OSBPL8: variants seen among roughly 807,000 people sequenced by gnomAD.
OSBPL8 encodes the protein oxysterol-binding protein-related protein 8.
A neutral mutation model predicts 125.5 loss-of-function variants in OSBPL8; 59 were observed. The observed-to-expected ratio is 0.47, with a 90% CI of 0.38 to 0.58. The LOEUF is 0.58. Among genes scored for constraint, OSBPL8 ranks in the 20% least tolerant of loss-of-function variants. The probability of loss-of-function intolerance (pLI) is 0.00; values close to 1 mark genes in which losing one functional copy is unlikely to be tolerated. For missense variants in OSBPL8, 758 were observed against 1,047.8 expected (o/e 0.72, Z 3.82); for synonymous variants, 330 against 338.9 (o/e 0.97, Z 0.29).
intron 4 of OSBPL8, chr12:76,422,497 T>G (rs1206275657): frequency 4.4e-6 from 2 of 455,954 alleles, no homozygotes; most frequent in Non-Finnish European, 8.8e-6. Flanking sequence ...GAATGCAAGA[T>G]TAAACACACA....
rs71082308 is a variant in OSBPL8, at chr12:76,435,155, CGTGTGTGTGTGTGT to C, written c.217+15682_217+15695del. On this transcript the variant is annotated intron_variant, in intron 4 of 23. Coordinates refer to ENST00000261183, the MANE Select transcript of OSBPL8 (RefSeq NM_020841.5). Reference sequence around the variant, plus strand: ...ACTGAGGTGTTTGTGTATATATCTACGTGTGTGTGTGTGTGTGTGTGTGTGTGTGTGCATATATA... The same window carrying C: ...ACTGAGGTGTTTGTGTATATATCTACGTGTGTGTGTGTGTGTGCATATATA... Among the ~76,000 whole-genome samples the C allele has an allele frequency of 5.5e-3, 799 of 146,550 alleles. 7 individuals carry two copies. Among genetic ancestry groups the C allele is most frequent in the African/African-American group, 0.019 (771 of 40,248 alleles).
chr12:76,469,549 G>A (rs751681434), intron 2 of OSBPL8, among the ~76,000 whole-genome samples: 6 of 152,042 alleles, frequency 3.9e-5, no homozygotes, highest in Non-Finnish European at 7.4e-5. Flanking sequence ...ACTAACCACC[G>A]TCTGCCCAAC....
At position 76,358,670 on chromosome 12, in the gene OSBPL8, G is replaced by GT. The variant is rs1475113714; in HGVS notation, c.2434+35dup. On this transcript the variant is annotated intron_variant, in intron 22 of 23. Coordinates refer to ENST00000261183, the MANE Select transcript of OSBPL8 (RefSeq NM_020841.5). ...TATCAAATTGTGTAGTAATTAAAAAGTTAGACTCTCATTAGTCTGCAATAA... is the reference window on the plus strand; with the variant it reads ...TATCAAATTGTGTAGTAATTAAAAAGTTTAGACTCTCATTAGTCTGCAATAA... The GT allele has an allele frequency of 3.4e-6, 5 of 1,489,222 alleles. No individual in the cohort carries two copies. The African/African-American group carries it at 6.9e-5, about 21-fold the overall frequency. 92.3% of individuals were successfully genotyped at this position (1,489,222 alleles called of 1,614,324 possible). A position where few individuals can be genotyped will look rare whatever the true frequency, so the allele number is the denominator to read the frequency against.
intron 5 of OSBPL8, among the ~76,000 whole-genome samples, chr12:76,403,298 C>A (rs990369861): frequency 2.6e-5 from 4 of 152,312 alleles, no homozygotes; most frequent in African/African-American, 9.6e-5. Context: ...TCCTACCTAT[C>A]GAGTGAGTAG....
chr12:76,419,184 C>T (rs745655034), intron 4 of OSBPL8, among the ~76,000 whole-genome samples: 1 of 151,318 alleles, frequency 6.6e-6, no homozygotes, highest in African/African-American at 2.4e-5. Context: ...TGCAGTGCGC[C>T]GAGATCACAC....
intron 1 of OSBPL8, among the ~76,000 whole-genome samples, chr12:76,490,457 G>A (rs563455629): frequency 2.6e-5 from 4 of 152,322 alleles, no homozygotes; most frequent in South Asian, 2.1e-4. Flanking sequence ...ATGGCTGGAC[G>A]TTGGAGAGAA....
At chr12:76,459,816 T>A (rs749721798) in intron 3 of OSBPL8, 43 bp downstream of exon 3, 3 of 1,609,240 alleles carry the variant, frequency 1.9e-6, no homozygotes, top group Non-Finnish European at 2.5e-6. Flanking sequence ...CATCAAAATA[T>A]TATCATGTCC....
intron 23 of OSBPL8, 149 bp from the exon 24 acceptor site, chr12:76,356,170 G>C (rs1459822487): frequency 2.8e-6 from 1 of 362,834 alleles, no homozygotes; most frequent in Non-Finnish European, 5.1e-6. Flanking sequence ...GGTGGGGGGG[G>C]GCGGGGTCTG....
intron 1 of OSBPL8, among the ~76,000 whole-genome samples, chr12:76,528,873 TAAGTA>T (rs1178801395): frequency 1.3e-5 from 2 of 150,280 alleles, no homozygotes; most frequent in Non-Finnish European, 3.0e-5. Flanking sequence ...AAAATAAAAA[TAAGTA>T]AAGTATAGCA....
chr12:76,451,847 T>C (rs896087679), intron 3 of OSBPL8, among the ~76,000 whole-genome samples: 1 of 152,136 alleles, frequency 6.6e-6, no homozygotes, highest in Non-Finnish European at 1.5e-5. Flanking sequence ...TCGAGTTTCA[T>C]CTTAAGAAAG....
intron 4 of OSBPL8, among the ~76,000 whole-genome samples, chr12:76,438,056 G>A (rs963963969): frequency 3.3e-5 from 5 of 151,652 alleles, no homozygotes; most frequent in South Asian, 4.2e-4. Flanking sequence ...GTGCGATCTC[G>A]GCTCACTGCA....
chr12:76,356,898 C>A (rs550287691), intron 22 of OSBPL8, among the ~76,000 whole-genome samples, 170 bp from the exon 23 acceptor site: 1 of 152,178 alleles, frequency 6.6e-6, no homozygotes, highest in African/African-American at 2.4e-5. Context: ...CATTGCAATA[C>A]TAGAACACTA....
At chr12:76,422,739 C>T (rs1377418478) in intron 4 of OSBPL8, 2 of 394,782 alleles carry the variant, frequency 5.1e-6, no homozygotes, top group Non-Finnish European at 1.0e-5. Context: ...TCACATCCAA[C>T]TGTAGCAAAA....
At chr12:76,551,043 C>T (rs1056431050) in intron 1 of OSBPL8, among the ~76,000 whole-genome samples, 1 of 152,012 alleles carries the variant, frequency 6.6e-6, no homozygotes, top group Admixed American at 6.6e-5. Context: ...CAGGAGGAGA[C>T]TCTGTCACTC....
chr12:76,494,237 A>G lies in OSBPL8; in HGVS notation c.-67-6619T>C, dbSNP rs185741750. On this transcript the variant is annotated intron_variant, in intron 1 of 23. Coordinates refer to ENST00000261183, the MANE Select transcript of OSBPL8 (RefSeq NM_020841.5). ...TCATGTTTCTTATTGCATTATGTTA[A>G]GGTTTGTTCATTGTATGGAGTAATC... 3.7e-4 allele frequency among the ~76,000 whole-genome samples: 56 copies of G among 152,220 alleles called. 1 individual carries two copies. The East Asian group carries it at 9.1e-3, about 25-fold the overall frequency.
chr12:76,432,863 A>C (rs1041427997), intron 4 of OSBPL8, among the ~76,000 whole-genome samples: 25 of 152,174 alleles, frequency 1.6e-4, no homozygotes, highest in African/African-American at 6.0e-4. Context: ...ATACTTAATA[A>C]AATATTGGCA....
At chr12:76,558,099 T>C (rs1488288516) in intron 1 of OSBPL8, among the ~76,000 whole-genome samples, 2 of 150,606 alleles carry the variant, frequency 1.3e-5, no homozygotes, top group Non-Finnish European at 2.9e-5. Context: ...AGCAGGTATA[T>C]TATAGTCACT....
At position 76,487,524 on chromosome 12, in the gene OSBPL8, G is replaced by T; in HGVS notation, c.28C>A (p.Pro10Thr). The change falls in exon 2 of 24, where the codon CCT becomes ACT. Residue 10 changes from proline to threonine, a missense_variant. By Grantham distance (38) the Pro-to-Thr change is conservative. Coordinates refer to ENST00000261183, the MANE Select transcript of OSBPL8 (RefSeq NM_020841.5). Reference protein sequence around the residue: MEGGLADGEPDRTSLLGDSK... With the variant: MEGGLADGETDRTSLLGDSK... ...GAACTACTCACCGAAGTTCGATCAG[G>T]TTCTCCATCTGCCAAACCTCCCTCC... 1.9e-6 allele frequency: 3 copies of T among 1,604,866 alleles called. No homozygotes were observed. The highest frequency in any genetic ancestry group is 2.6e-6 in the Non-Finnish European group (3 of 1,176,190).
chr12:76,499,967 T>C (rs889124272), intron 1 of OSBPL8, among the ~76,000 whole-genome samples: 1 of 152,134 alleles, frequency 6.6e-6, no homozygotes, highest in Non-Finnish European at 1.5e-5. Context: ...CCTCCAATGA[T>C]CCTTTACCTG....
Sources: gnomAD v4.1 joint callset for allele counts (sites outside exome capture counted in the v4.1 genomes callset) on GRCh38, gnomAD v4.1.1 for gene constraint, MANE v1.5 for transcripts, NCBI Gene and HGNC (gene_info 2026-07-23, HGNC 2026-07-21) for gene names.